The following LMO3 variants were observed in gnomAD, a reference collection of about 807,000 sequenced individuals.
LMO3 encodes LIM domain only 3, also known as LIM domain only protein 3.
A neutral mutation model predicts 15.8 loss-of-function variants in LMO3; 2 were observed. That is an observed-to-expected ratio of 0.13 (90% CI 0.05 to 0.40). The LOEUF is 0.40. Among genes scored for constraint, LMO3 ranks in the 10% least tolerant of loss-of-function variants. LMO3 has a pLI of 0.99. For synonymous variants in LMO3, 62 were observed against 63.8 expected, an observed-to-expected ratio of 0.97 and a Z score of 0.13; for missense variants, 86 against 182.2, an observed-to-expected ratio of 0.47 and a Z score of 3.04.
At chr12:16,565,082 C>G (rs2137375698) in intron 2 of LMO3, among the ~76,000 whole-genome samples, 1 of 152,194 alleles carries the variant, frequency 6.6e-6, no homozygotes, top group Admixed American at 6.5e-5. Context: ...AGCCACTATG[C>G]CCGGTCTAGT....
At position 16,555,767 on chromosome 12, in the gene LMO3, A is replaced by G. The variant is rs1317631996; in HGVS notation, c.333-4440T>C. ...ACACGTCAAATGCTTTCACATCTGC[A>G]TGCCTTTGCACGTTGCTCAATTTGC... is the stretch of plus-strand genomic sequence containing the variant. On this transcript the variant is annotated intron_variant, in intron 3 of 3. Transcript: ENST00000537304. This position sits in a 1 kb window ranked among gnomAD's most constrained non-coding sequence, Gnocchi z 5.5. 6.6e-6 allele frequency among the ~76,000 whole-genome samples: 1 copy of G among 152,144 alleles called. No individual in the cohort carries two copies. Among genetic ancestry groups the G allele is most frequent in the African/African-American group, 2.4e-5 (1 of 41,440 alleles).
At chr12:16,558,124 T>C (rs1482732900) in intron 3 of LMO3, among the ~76,000 whole-genome samples, 1 of 152,046 alleles carries the variant, frequency 6.6e-6, no homozygotes, top group Admixed American at 6.5e-5. Context: ...AGTGAAAAAG[T>C]CCAAATATCA....
rs1302736524 is a variant in LMO3 at position 16,589,694 on chromosome 12, G to A, written c.206+10961C>T. The stretch of plus-strand genomic sequence containing the variant: ...AAGCAAACTATCAGGTCAAGATCAA[G>A]CAACTTTTCTTTAAGATCAAGCTCA... On this transcript the variant is annotated intron_variant, in intron 2 of 3. Coordinates refer to ENST00000537304, the MANE Select transcript of LMO3 (RefSeq NM_018640.5). The surrounding 1 kb of genome is among the most constrained non-coding windows in gnomAD (Gnocchi z 4.2). 1 of 152,002 alleles carries A rather than the reference G, an allele frequency of 6.6e-6. No individual in the cohort carries two copies. Among genetic ancestry groups the A allele is most frequent in the Non-Finnish European group, 1.5e-5 (1 of 67,974 alleles). 9.4% of individuals were successfully genotyped at this position (152,002 alleles called of 1,614,324 possible).
chr12:16,572,653 A>AGAG (rs1942855769), intron 2 of LMO3, among the ~76,000 whole-genome samples: 2 of 148,288 alleles, frequency 1.3e-5, no homozygotes, highest in South Asian at 2.1e-4. Context: ...TATTTAAGTC[A>AGAG]GTTACCTCTG....
rs561334019 is a variant in LMO3 at position 16,603,510 on chromosome 12, A to G, written c.-9+2556T>C. Among the ~76,000 whole-genome samples the G allele has an allele frequency of 3.3e-5, 5 of 152,278 alleles. No homozygotes were observed. The East Asian group carries it at 9.7e-4, about 29-fold the overall frequency. ...TGCTCATAGCACATCAGAACTCATAACTAGTTTTAGATTGGCATGTAAATT... is the reference window on the plus strand; with the variant it reads ...TGCTCATAGCACATCAGAACTCATAGCTAGTTTTAGATTGGCATGTAAATT... On this transcript the variant is annotated intron_variant, in intron 1 of 3. Coordinates refer to ENST00000537304, the MANE Select transcript of LMO3 (RefSeq NM_018640.5). This position sits in a 1 kb window ranked among gnomAD's most constrained non-coding sequence, Gnocchi z 4.9.
rs998664786 is a variant in LMO3 at position 16,550,153 on chromosome 12, T to A, written c.*1069A>T. 6.6e-6 allele frequency: 1 copy of A among 152,078 alleles called. No homozygotes were observed. The highest frequency in any genetic ancestry group is 1.5e-5 in the Non-Finnish European group (1 of 67,932). The allele number at this position is 152,078 out of a possible 1,614,324, so 9.4% of individuals were successfully genotyped here. A position where few individuals can be genotyped will look rare whatever the true frequency, so the allele number is the denominator to read the frequency against. On this transcript the variant is annotated 3_prime_UTR_variant, in exon 4 of 4. Coordinates refer to ENST00000537304, the MANE Select transcript of LMO3 (RefSeq NM_018640.5). ...AAGTAACCTCACTACTCAAATACCA[T>A]CATAGCTTCAATGTGCATTATAGTG... is the stretch of plus-strand genomic sequence containing the variant.
At chr12:16,565,319 T>C (rs1942562380) in intron 2 of LMO3, among the ~76,000 whole-genome samples, 1 of 152,210 alleles carries the variant, frequency 6.6e-6, no homozygotes, top group Non-Finnish European at 1.5e-5. Flanking sequence ...GGACAATTGC[T>C]TTTTTGTCTA....
rs1213608677 is a variant in LMO3, at chr12:16,599,827, G to C, written c.206+828C>G. On this transcript the variant is annotated intron_variant, in intron 2 of 3. Transcript: ENST00000537304. The surrounding 1 kb of genome is among the most constrained non-coding windows in gnomAD (Gnocchi z 4.1). The stretch of plus-strand genomic sequence containing the variant: ...CATAGCTCCATAACCAAGAACACCT[G>C]CCTTGTCCTGAAAGCATTCAGATGT... 6.6e-6 allele frequency: 1 copy of C among 152,084 alleles called. No individual in the cohort carries two copies. Among genetic ancestry groups the C allele is most frequent in the African/African-American group, 2.4e-5 (1 of 41,422 alleles). The allele number at this position is 152,084 out of a possible 1,614,324, so 9.4% of individuals were successfully genotyped here.
chr12:16,571,593 G>A (rs1942813729), intron 2 of LMO3, among the ~76,000 whole-genome samples: 1 of 151,980 alleles, frequency 6.6e-6, no homozygotes, highest in African/African-American at 2.4e-5. Flanking sequence ...TATCAAAAAT[G>A]TCCTGGGTTG....
intron 2 of LMO3, among the ~76,000 whole-genome samples, chr12:16,563,882 T>C (rs1454887593): frequency 2.0e-5 from 3 of 152,202 alleles, no homozygotes; most frequent in African/African-American, 7.2e-5. Context: ...TTAAGATGTC[T>C]TATAGATTAT....
At position 16,591,749 on chromosome 12, in the gene LMO3, A is replaced by C. The variant is rs966417431; in HGVS notation, c.206+8906T>G. On this transcript the variant is annotated intron_variant, in intron 2 of 3. Transcript: ENST00000537304. This position sits in a 1 kb window ranked among gnomAD's most constrained non-coding sequence, Gnocchi z 4.1. Reference sequence around the variant, plus strand: ...CAATACAAATAGCATGAAAGTTACAAGCTAAGTCTGTCTTGCTCTGCACCC... The same window carrying C: ...CAATACAAATAGCATGAAAGTTACACGCTAAGTCTGTCTTGCTCTGCACCC... 3.9e-5 allele frequency among the ~76,000 whole-genome samples: 6 copies of C among 152,074 alleles called. No homozygotes were observed. Among genetic ancestry groups the C allele is most frequent in the African/African-American group, 9.7e-5 (4 of 41,438 alleles).
In LMO3 at chr12:16,576,949, T is replaced by C. The variant is rs557811498; in HGVS notation, c.207-16411A>G. 6.6e-6 allele frequency among the ~76,000 whole-genome samples: 1 copy of C among 152,154 alleles called. No individual in the cohort carries two copies. Among genetic ancestry groups the C allele is most frequent in the Non-Finnish European group, 1.5e-5 (1 of 68,016 alleles). On this transcript the variant is annotated intron_variant, in intron 2 of 3. Coordinates refer to ENST00000537304, the MANE Select transcript of LMO3 (RefSeq NM_018640.5). This position sits in a 1 kb window ranked among gnomAD's most constrained non-coding sequence, Gnocchi z 4.1. ...ACTATCTATTTTAGAAATAACCCAATAAGGGCAAAGCTATATGAGTAAAAC... is the reference window on the plus strand; with the variant it reads ...ACTATCTATTTTAGAAATAACCCAACAAGGGCAAAGCTATATGAGTAAAAC...
At position 16,582,670 on chromosome 12, in the gene LMO3, T is replaced by C. The variant is rs979885737; in HGVS notation, c.206+17985A>G. Among the ~76,000 whole-genome samples, 1 of 151,886 alleles carries C rather than the reference T, an allele frequency of 6.6e-6. No individual in the cohort carries two copies. The highest frequency in any genetic ancestry group is 1.5e-5 in the Non-Finnish European group (1 of 67,980). On this transcript the variant is annotated intron_variant, in intron 2 of 3. Coordinates refer to ENST00000537304, the MANE Select transcript of LMO3 (RefSeq NM_018640.5). This position sits in a 1 kb window ranked among gnomAD's most constrained non-coding sequence, Gnocchi z 4.1. ...GACAAATAACATCTCCTAGGAAAAA[T>C]AAGTATACCACAACAAGATCACCGT... is the stretch of plus-strand genomic sequence containing the variant.
In LMO3 at chr12:16,566,602, G is replaced by T. The variant is rs2417593; in HGVS notation, c.207-6064C>A. On this transcript the variant is annotated intron_variant, in intron 2 of 3. Coordinates refer to ENST00000537304, the MANE Select transcript of LMO3 (RefSeq NM_018640.5). ...AAAGTTGACCATATATTAAAGAAAAGACATTTTCTATTTTAAAACCTTAGA... is the reference window on the plus strand; with the variant it reads ...AAAGTTGACCATATATTAAAGAAAATACATTTTCTATTTTAAAACCTTAGA... 5.0e-3 allele frequency among the ~76,000 whole-genome samples: 765 copies of T among 151,952 alleles called. 7 individuals carry two copies. Among genetic ancestry groups the T allele is most frequent in the African/African-American group, 0.018 (744 of 41,468 alleles).
Sources: allele counts gnomAD v4.1 joint callset (sites outside exome capture counted in the v4.1 genomes callset), GRCh38; gene constraint gnomAD v4.1.1; non-coding constraint Gnocchi (gnomAD v3.1); transcripts MANE v1.5; gene names NCBI Gene and HGNC (gene_info 2026-07-23, HGNC 2026-07-21).